NAIP: variants seen among roughly 807,000 people sequenced by gnomAD.
NAIP encodes baculoviral IAP repeat-containing protein 1.
Under a neutral mutation model 23.0 loss-of-function variants are expected in NAIP, and 15 were observed. The observed-to-expected ratio is 0.65, with a 90% confidence interval of 0.44 to 1.00. NAIP has a LOEUF of 1.00. Among genes scored for constraint, NAIP ranks in the 50% least tolerant of loss-of-function variants. The pLI is 0.00. For missense variants in NAIP, 265 were observed against 278.8 expected (o/e 0.95, Z 0.35); for synonymous variants, 100 against 100.2 (o/e 1.00, Z 0.01).
At chr5:70,996,768 G>T (rs1228558614) in intron 9 of NAIP, among the ~76,000 whole-genome samples, 1 of 137,938 alleles carries the variant, frequency 7.2e-6, no homozygotes, top group African/African-American at 2.7e-5. Context: ...ACTCCAGCCT[G>T]GGCGACAAAG....
In NAIP at chr5:70,980,006, A is replaced by G; in HGVS notation, c.3305T>C (p.Leu1102Pro). 1 of 5,214 alleles carries G rather than the reference A, an allele frequency of 1.9e-4. No individual in the cohort carries two copies. The highest frequency in any genetic ancestry group is 3.4e-4 in the Non-Finnish European group (1 of 2,974). 0.3% of individuals were successfully genotyped at this position (5,214 alleles called of 1,614,324 possible). Reference sequence around the variant, plus strand: ...ATCCACAGACAGTTCTTTCAGGCACAGGAACTTATCCAGATTAGGAAAGAT... The same window carrying G: ...ATCCACAGACAGTTCTTTCAGGCACGGGAACTTATCCAGATTAGGAAAGAT... ...DQIFPNLDKF[L>P]CLKELSVDLE... The change falls in exon 13 of 17, where the codon CTG (leucine) becomes CCG (proline). Residue 1102 changes from leucine (L) to proline (P), a missense_variant. Coordinates refer to ENST00000517649, the MANE Select transcript of NAIP (RefSeq NM_004536.3).
chr5:71,012,671 G>C lies in NAIP; in HGVS notation c.245C>G (p.Ala82Gly), dbSNP rs748373010. The part of the protein sequence containing the change: ...PYSSWIPQEM[A>G]AAGFYFTGVK... ...CCCAGTGAAGTAAAACCCAGCGGCC[G>C]CCATCTCCTGTGGTATCCATGAGCT... Residue 82 changes from alanine (A) to glycine (G), a missense_variant, in exon 4 of 17, where the codon GCG becomes GGG. Physicochemically the swap from Ala to Gly is moderately conservative, Grantham distance 60. Transcript: ENST00000517649. 1.2e-6 allele frequency: 2 copies of C among 1,611,828 alleles called. No individual in the cohort carries two copies. Among genetic ancestry groups the C allele is most frequent in the Admixed American group, 1.7e-5 (1 of 59,900 alleles).
chr5:71,014,774 G>A (rs1044713672), intron 3 of NAIP, among the ~76,000 whole-genome samples: 1 of 151,190 alleles, frequency 6.6e-6, no homozygotes, highest in African/African-American at 2.4e-5. Flanking sequence ...ATGATGGTGG[G>A]TGCCTGTAAT....
At chr5:71,015,867 G>T (rs1254895565) in intron 3 of NAIP, among the ~76,000 whole-genome samples, 1 of 127,660 alleles carries the variant, frequency 7.8e-6, no homozygotes, top group Non-Finnish European at 1.7e-5. Flanking sequence ...GAACCCACGA[G>T]GCAGAGGTTG....
chr5:70,977,873 TA>T (rs1750343746), intron 13 of NAIP, among the ~76,000 whole-genome samples: 1 of 113,992 alleles, frequency 8.8e-6, no homozygotes, highest in Non-Finnish European at 2.0e-5. Flanking sequence ...TGGGTGCCTG[TA>T]ATCCCAGCTA....
chr5:71,011,399 A>G (rs767114246), intron 4 of NAIP, 25 bp from the exon 5 acceptor site: 1 of 1,549,612 alleles, frequency 6.5e-7, no homozygotes, highest in Non-Finnish European at 8.8e-7. Flanking sequence ...AAATATTTAG[A>G]TTGCCTGGCA....
At position 71,011,269 on chromosome 5, in the gene NAIP, A is replaced by G. The variant is rs776498521; in HGVS notation, c.668+6T>C. On this transcript the variant is annotated splice_donor_region_variant and intron_variant, in intron 5 of 16. Coordinates refer to ENST00000517649, the MANE Select transcript of NAIP (RefSeq NM_004536.3). The stretch of plus-strand genomic sequence containing the variant: ...AGAAACATTTAAGCAAAAATTATCT[A>G]CTTACTTGGGGAACCATTTGGCATG... 3 of 1,569,708 alleles carry G rather than the reference A, an allele frequency of 1.9e-6. No individual in the cohort carries two copies. The South Asian group carries it at 3.6e-5, about 19-fold the overall frequency.
rs751255913 is a variant in NAIP, at chr5:71,012,840, G to A, written c.76C>T (p.Leu26Phe). The A allele has an allele frequency of 1.2e-6, 2 of 1,611,636 alleles. No individual in the cohort carries two copies. The highest frequency in any genetic ancestry group is 1.7e-4 in the Middle Eastern group (1 of 6,060). ...AACTGAACTGCATCTAGGCCCAGAA[G>A]AGCAGACAGCTCTGGCAGCAAATTG... Reference protein sequence around the residue: ...DHNLLPELSALLGLDAVQLAK... With the variant: ...DHNLLPELSAFLGLDAVQLAK... Residue 26 changes from leucine (L) to phenylalanine (F), a missense_variant, in exon 4 of 17, where the codon CTT (leucine) becomes TTT (phenylalanine). Leu to Phe is a conservative substitution (Grantham distance 22). Transcript: ENST00000517649.
chr5:71,011,393 A>G lies in NAIP; in HGVS notation c.569-19T>C. 1 of 1,562,106 alleles carries G rather than the reference A, an allele frequency of 6.4e-7. No homozygotes were observed. The highest frequency in any genetic ancestry group is 8.8e-7 in the Non-Finnish European group (1 of 1,141,270). ...TGTTTACCTATATATGAAGGAAAAT[A>G]TTTAGATTGCCTGGCAGTGGCACCA... is the stretch of plus-strand genomic sequence containing the variant. On this transcript the variant is annotated intron_variant, in intron 4 of 16. Transcript: ENST00000517649.
rs1259097066 is a variant in NAIP, at chr5:71,012,799, T to C, written c.117A>G (p.Glu39=). The C allele has an allele frequency of 1.2e-6, 2 of 1,612,004 alleles. No homozygotes were observed. Among genetic ancestry groups the C allele is most frequent in the Admixed American group, 3.3e-5 (2 of 59,906 alleles). The change falls in exon 4 of 17, where the codon GAA becomes GAG. Residue 39 remains glutamate, a synonymous_variant. Coordinates refer to ENST00000517649, the MANE Select transcript of NAIP (RefSeq NM_004536.3). Reference sequence around the variant, plus strand: ...TTGCTCGCTCCTTCTGCTCCTCTTCTTCTAGTTCCTTTGCCAACTGAACTG... The same window carrying C: ...TTGCTCGCTCCTTCTGCTCCTCTTCCTCTAGTTCCTTTGCCAACTGAACTG... The part of the protein sequence containing the change: ...LDAVQLAKEL[E]EEEQKERAKM...
At chr5:71,008,315 C>T (rs1404555681) in intron 5 of NAIP, among the ~76,000 whole-genome samples, 3 of 119,158 alleles carry the variant, frequency 2.5e-5, no homozygotes, top group African/African-American at 9.5e-5. Flanking sequence ...AATGATCCGC[C>T]TACCTTAGCC....
At chr5:70,978,281 G>C (rs1228508494) in intron 13 of NAIP, among the ~76,000 whole-genome samples, 2 of 150,190 alleles carry the variant, frequency 1.3e-5, no homozygotes, top group African/African-American at 4.9e-5. Context: ...TGAGTAGCTG[G>C]GGACTATAGG....
At chr5:71,014,290 G>GT in intron 3 of NAIP, among the ~76,000 whole-genome samples, 1 of 151,230 alleles carries the variant, frequency 6.6e-6, no homozygotes, top group East Asian at 2.0e-4. Flanking sequence ...TAGACACAAG[G>GT]TTTTGCCATG....
intron 5 of NAIP, among the ~76,000 whole-genome samples, chr5:71,010,292 G>A (rs753651905): frequency 1.3e-4 from 19 of 150,304 alleles, no homozygotes; most frequent in Admixed American, 2.7e-4. Context: ...TTTTTGAGAC[G>A]GAGTCTCACT....
intron 5 of NAIP, among the ~76,000 whole-genome samples, chr5:71,009,355 T>A (rs1362782723): frequency 2.3e-5 from 2 of 88,128 alleles, no homozygotes; most frequent in Non-Finnish European, 4.6e-5. Context: ...AGAGCAAAAC[T>A]CACTCTCAAA....
intron 5 of NAIP, among the ~76,000 whole-genome samples, chr5:71,007,869 T>C (rs1380976215): frequency 1.8e-5 from 2 of 110,472 alleles, no homozygotes; most frequent in Admixed American, 9.5e-5. Context: ...CACGCTCGGC[T>C]CATTTTTGTA....
At chr5:71,013,704 C>T (rs1320134566) in intron 3 of NAIP, among the ~76,000 whole-genome samples, 1 of 150,574 alleles carries the variant, frequency 6.6e-6, no homozygotes, top group Non-Finnish European at 1.5e-5. Flanking sequence ...AGGACATATA[C>T]CTGCCAGAAG....
At chr5:71,011,899 C>A in intron 4 of NAIP, 2 of 260,748 alleles carry the variant, frequency 7.7e-6, no homozygotes, top group South Asian at 5.2e-5. Flanking sequence ...ATTGTTAGAA[C>A]TCTGATTTAT....
chr5:71,009,655 G>A (rs1412697946), intron 5 of NAIP, among the ~76,000 whole-genome samples: 5 of 151,382 alleles, frequency 3.3e-5, no homozygotes, highest in African/African-American at 1.2e-4. Flanking sequence ...GTACCACTGG[G>A]CAACAGGGCG....
Sources: gnomAD v4.1 joint callset for allele counts (sites outside exome capture counted in the v4.1 genomes callset) on GRCh38, gnomAD v4.1.1 for gene constraint, MANE v1.5 for transcripts, NCBI Gene and HGNC (gene_info 2026-07-23, HGNC 2026-07-21) for gene names.